ERICH1: variants seen among roughly 807,000 people sequenced by gnomAD.
ERICH1 encodes the protein glutamate-rich protein 1.
In ERICH1, 56 loss-of-function variants were observed where a neutral mutation model predicts 39.6. The ratio of observed to expected loss-of-function variants is 1.41; its 90% CI spans 1.14 to 1.77. The LOEUF is 1.77. Ranked by LOEUF, ERICH1 falls within the 40% of genes most tolerant of loss-of-function variation. The pLI is 0.00. For synonymous variants in ERICH1, 313 were observed against 223.6 expected (o/e 1.40, Z -3.57); for missense variants, 826 against 575.4 (o/e 1.44, Z -4.45).
At chr8:676,685 A>T (rs868483343) in intron 3 of ERICH1, among the ~76,000 whole-genome samples, 1 of 152,204 alleles carries the variant, frequency 6.6e-6, no homozygotes, top group African/African-American at 2.4e-5. Context: ...CCCCGCCCAG[A>T]CACTGATGGG....
intron 1 of ERICH1, chr8:725,647 C>G (rs1818433873): frequency 6.5e-6 from 1 of 153,154 alleles, no homozygotes; most frequent in Admixed American, 6.5e-5. Context: ...TGCAACCCTC[C>G]TCCAGCCGTC....
chr8:717,416 C>A (rs530434601), intron 1 of ERICH1, among the ~76,000 whole-genome samples: 4 of 152,302 alleles, frequency 2.6e-5, no homozygotes, highest in African/African-American at 7.2e-5. Context: ...TCTCAGGGAG[C>A]AACAGGTGGT....
intron 5 of ERICH1, chr8:666,590 T>A (rs883085): frequency 0.12 from 18,434 of 152,354 alleles, 1,532 homozygotes; most frequent in East Asian, 0.38. Context: ...TCGTTTCTCA[T>A]GGTCCCTGGT....
Position 699,860 on chromosome 8 carries a change from C to CACAGACCCGCACACGCGT in ERICH1, c.170-7249_170-7248insACGCGTGTGCGGGTCTGT, listed in dbSNP as rs1811406027. 2.9e-4 allele frequency among the ~76,000 whole-genome samples: 32 copies of CACAGACCCGCACACGCGT among 111,922 alleles called. 1 individual carries two copies. The highest frequency in any genetic ancestry group is 5.9e-4 in the Non-Finnish European group (30 of 50,986). 73.4% of individuals were successfully genotyped at this position (111,922 alleles called of 152,430 possible). A position where few individuals can be genotyped will look rare whatever the true frequency, so the allele number is the denominator to read the frequency against. On this transcript the variant is annotated intron_variant, in intron 2 of 5. Coordinates refer to ENST00000262109, the MANE Select transcript of ERICH1 (RefSeq NM_207332.3). ...ACAGGCGCACAGACCCGCACACGCG[C>CACAGACCCGCACACGCGT]ACAGACCCTCACAGGCGCACAGATC...
At chr8:656,963 T>A in intron 3 of ERICH1, 1 of 561,710 alleles carries the variant, frequency 1.8e-6, no homozygotes, top group Non-Finnish European at 2.3e-6. Flanking sequence ...GCAAAATAAT[T>A]TTTAAGAGCA....
chr8:630,199 C>CCACACAGG (rs1175943422), intron 3 of ERICH1, among the ~76,000 whole-genome samples: 12 of 105,882 alleles, frequency 1.1e-4, no homozygotes, highest in African/African-American at 4.6e-4. Context: ...CCGTGACCAC[C>CCACACAGG]CAGAGCTGAC....
At chr8:706,946 C>G (rs1387891227) in intron 2 of ERICH1, among the ~76,000 whole-genome samples, 1 of 152,062 alleles carries the variant, frequency 6.6e-6, no homozygotes, top group Non-Finnish European at 1.5e-5. Context: ...CATGCAATAC[C>G]CATCAAAATT....
At chr8:649,727 C>T (rs967923524) in intron 3 of ERICH1, among the ~76,000 whole-genome samples, 1 of 152,316 alleles carries the variant, frequency 6.6e-6, no homozygotes, top group South Asian at 2.1e-4. Flanking sequence ...GGCCCTGTGG[C>T]CCCTGGCTGA....
rs1348973079 is a variant in ERICH1 at position 648,241 on chromosome 8, T to C, written c.976+20357A>G. ...GTGGGCTTCCCAGCACCCAGAACTA[T>C]GGGAAATACATTTCTTTTCTTTACG... On this transcript the variant is annotated intron_variant, in intron 3 of 3. Coordinates refer to the ERICH1 transcript ENST00000522706. Among the ~76,000 whole-genome samples, 2 of 65,828 alleles carry C rather than the reference T, an allele frequency of 3.0e-5. 1 individual carries two copies. The highest frequency in any genetic ancestry group is 8.1e-5 in the African/African-American group (2 of 24,722). The allele number at this position is 65,828 out of a possible 152,430, so 43.2% of individuals were successfully genotyped here. A position where few individuals can be genotyped will look rare whatever the true frequency, so the allele number is the denominator to read the frequency against.
chr8:615,740 G>C (rs950705335), intron 3 of ERICH1: 1 of 153,566 alleles, frequency 6.5e-6, no homozygotes, highest in African/African-American at 2.4e-5. Context: ...AGTGAGAATT[G>C]AGTGGAATGA....
intron 3 of ERICH1, among the ~76,000 whole-genome samples, chr8:618,654 G>T (rs1214124429): frequency 6.6e-6 from 1 of 152,138 alleles, no homozygotes; most frequent in Non-Finnish European, 1.5e-5. Flanking sequence ...CCTCTTTCCA[G>T]GCTGTGGTTG....
intron 2 of ERICH1, among the ~76,000 whole-genome samples, chr8:698,470 C>T (rs1348706738): frequency 3.9e-5 from 6 of 152,078 alleles, no homozygotes; most frequent in South Asian, 4.2e-4. Context: ...CCTCCTGCCT[C>T]GGCCTCCTAA....
chr8:672,417 T>C (rs1803647757), intron 4 of ERICH1, among the ~76,000 whole-genome samples: 1 of 152,202 alleles, frequency 6.6e-6, no homozygotes, highest in African/African-American at 2.4e-5. Context: ...TTCTGCATCT[T>C]TGTTAAAATC....
chr8:664,995 T>C (rs1801968753), intron 5 of ERICH1, among the ~76,000 whole-genome samples: 1 of 152,154 alleles, frequency 6.6e-6, no homozygotes, highest in Admixed American at 6.5e-5. Context: ...ACATCAGACC[T>C]GGAAGAAAAC....
intron 3 of ERICH1, among the ~76,000 whole-genome samples, chr8:622,878 A>G (rs1259297286): frequency 6.6e-6 from 1 of 152,082 alleles, no homozygotes; most frequent in Non-Finnish European, 1.5e-5. Context: ...GGATTGCTTG[A>G]GCCCAGGAAT....
rs115369370 is a variant in ERICH1, at chr8:713,635, C to T, written c.169+2226G>A. On this transcript the variant is annotated intron_variant, in intron 2 of 5. Transcript: ENST00000262109. The stretch of plus-strand genomic sequence containing the variant: ...CCGGCCTGGAAATGGAATCACCACA[C>T]AGAATATTACGTCTGTGGGAAGATG... Among the ~76,000 whole-genome samples the T allele has an allele frequency of 2.4e-3, 369 of 152,252 alleles. 7 individuals carry two copies. Among genetic ancestry groups the T allele is most frequent in the African/African-American group, 8.6e-3 (357 of 41,536 alleles).
At chr8:723,972 T>C (rs771773890) in intron 1 of ERICH1, among the ~76,000 whole-genome samples, 7 of 151,504 alleles carry the variant, frequency 4.6e-5, no homozygotes, top group Non-Finnish European at 8.8e-5. Context: ...TCTTGAGGAG[T>C]TTCGTAACAG....
chr8:725,444 G>A (rs1189219136), intron 1 of ERICH1: 1 of 152,618 alleles, frequency 6.6e-6, no homozygotes, highest in African/African-American at 2.4e-5. Context: ...CAGCCCAGCA[G>A]GACTGACCTC....
At chr8:677,164 G>C (rs1805036196) in intron 3 of ERICH1, among the ~76,000 whole-genome samples, 1 of 152,210 alleles carries the variant, frequency 6.6e-6, no homozygotes, top group East Asian at 1.9e-4. Context: ...CTGTGACGCA[G>C]TCCCACCCCA....
Sources: allele counts gnomAD v4.1 joint callset (sites outside exome capture counted in the v4.1 genomes callset), GRCh38; gene constraint gnomAD v4.1.1; transcripts MANE v1.5; gene names NCBI Gene and HGNC (gene_info 2026-07-23, HGNC 2026-07-21).